Variants in RSRC1 observed in about 807,000 individuals in gnomAD.
The protein encoded by RSRC1 is serine/Arginine-related protein 53.
In RSRC1, 39 loss-of-function variants were observed where a neutral mutation model predicts 49.1. That is an observed-to-expected ratio of 0.79 (90% CI 0.61 to 1.04). RSRC1 has a LOEUF of 1.04. RSRC1 is among the 50% of genes least tolerant of loss of function. RSRC1 has a pLI of 0.00. For synonymous variants in RSRC1, 143 were observed against 130.8 expected (o/e 1.09, Z -0.63); for missense variants, 388 against 402.4 (o/e 0.96, Z 0.31).
intron 3 of RSRC1, among the ~76,000 whole-genome samples, chr3:158,178,991 A>G (rs1253397945): frequency 7.2e-5 from 11 of 151,972 alleles, no homozygotes; most frequent in Non-Finnish European, 1.3e-4. Flanking sequence ...TTAATTTTAT[A>G]TTTTGCTAAG....
At chr3:158,247,103 T>A (rs1095634) in intron 4 of RSRC1, among the ~76,000 whole-genome samples, 93,135 of 151,748 alleles carry the variant, frequency 0.61, 28,951 homozygotes, top group East Asian at 0.73. Flanking sequence ...CTATTCTTGT[T>A]TGCCTGTCCT....
At chr3:158,337,687 C>G (rs1367048742) in intron 5 of RSRC1, among the ~76,000 whole-genome samples, 4 of 152,138 alleles carry the variant, frequency 2.6e-5, no homozygotes, top group African/African-American at 9.7e-5. Context: ...CAAGATACCT[C>G]CATTATGTTA....
chr3:158,280,644 T>G, intron 4 of RSRC1, among the ~76,000 whole-genome samples: 1 of 87,576 alleles, frequency 1.1e-5, no homozygotes, highest in Admixed American at 1.3e-4. Flanking sequence ...TTCCTTTTTT[T>G]TTTTTTTTTT....
At chr3:158,366,875 T>C (rs974554548) in intron 6 of RSRC1, among the ~76,000 whole-genome samples, 3 of 152,188 alleles carry the variant, frequency 2.0e-5, no homozygotes, top group African/African-American at 7.2e-5. Flanking sequence ...CCCTTGTAAG[T>C]TGGATTCCTA....
At chr3:158,184,512 CT>C (rs1719815600) in intron 3 of RSRC1, among the ~76,000 whole-genome samples, 1 of 152,098 alleles carries the variant, frequency 6.6e-6, no homozygotes, top group African/African-American at 2.4e-5. Context: ...TTTTCAAATT[CT>C]TTCATTACCA....
At chr3:158,132,963 A>G (rs570963232) in intron 3 of RSRC1, among the ~76,000 whole-genome samples, 1 of 152,334 alleles carries the variant, frequency 6.6e-6, no homozygotes, top group East Asian at 1.9e-4. Context: ...TAGTTTTGAG[A>G]TGAGTGTAGA....
At position 158,218,525 on chromosome 3, in the gene RSRC1, G is replaced by T. The variant is rs151020840; in HGVS notation, c.494+15280G>T. 5.7e-4 allele frequency among the ~76,000 whole-genome samples: 87 copies of T among 151,772 alleles called. No individual in the cohort carries two copies. The East Asian group carries it at 0.013, about 22-fold the overall frequency. On this transcript the variant is annotated intron_variant, in intron 4 of 9. Coordinates refer to ENST00000611884, the MANE Select transcript of RSRC1 (RefSeq NM_001271838.2). The stretch of plus-strand genomic sequence containing the variant: ...CTGAGCAAGGATTACATTGGAAGAT[G>T]GCAGGGTATCATACATTTGCTTTGG...
At chr3:158,213,017 A>G (rs2108290358) in intron 4 of RSRC1, among the ~76,000 whole-genome samples, 1 of 152,096 alleles carries the variant, frequency 6.6e-6, no homozygotes, top group East Asian at 1.9e-4. Flanking sequence ...GGAATAAACC[A>G]TAATGCTTGA....
At chr3:158,383,854 AATC>A (rs1732833917) in intron 6 of RSRC1, among the ~76,000 whole-genome samples, 1 of 152,196 alleles carries the variant, frequency 6.6e-6, no homozygotes, top group Non-Finnish European at 1.5e-5. Context: ...CTGAGAGTCA[AATC>A]ATGACAATTC....
In RSRC1 at chr3:158,441,379, T is replaced by A. The variant is rs953498363; in HGVS notation, c.584-19556T>A. ...GGCAAAATACAAACAAAGACTTTTT[T>A]AAATATATTGGCAACAAGATATTAA... On this transcript the variant is annotated intron_variant, in intron 6 of 9. Transcript: ENST00000611884. 4.0e-4 allele frequency among the ~76,000 whole-genome samples: 61 copies of A among 152,176 alleles called. 1 individual carries two copies. Among genetic ancestry groups the A allele is most frequent in the African/African-American group, 1.2e-3 (50 of 41,562 alleles).
At chr3:158,249,145 G>A (rs530090584) in intron 4 of RSRC1, among the ~76,000 whole-genome samples, 1 of 152,070 alleles carries the variant, frequency 6.6e-6, no homozygotes, top group Admixed American at 6.5e-5. Flanking sequence ...ATTTTATTGA[G>A]GTATAATTAA....
At chr3:158,333,333 A>G (rs1251710140) in intron 5 of RSRC1, among the ~76,000 whole-genome samples, 1 of 152,096 alleles carries the variant, frequency 6.6e-6, no homozygotes, top group Non-Finnish European at 1.5e-5. Context: ...ACATCCAATT[A>G]ATCTTTTGTG....
chr3:158,142,987 G>A (rs1716847760), intron 3 of RSRC1, among the ~76,000 whole-genome samples: 1 of 152,174 alleles, frequency 6.6e-6, no homozygotes, highest in Non-Finnish European at 1.5e-5. Context: ...TCAGTAGATT[G>A]AATGAATGAT....
chr3:158,380,207 T>A (rs1361765946), intron 6 of RSRC1, among the ~76,000 whole-genome samples: 1 of 152,228 alleles, frequency 6.6e-6, no homozygotes, highest in Non-Finnish European at 1.5e-5. Flanking sequence ...TTTCACTTTT[T>A]GCATCAAATA....
At chr3:158,508,982 C>T (rs1010859789) in intron 7 of RSRC1, among the ~76,000 whole-genome samples, 11 of 152,130 alleles carry the variant, frequency 7.2e-5, no homozygotes, top group African/African-American at 2.7e-4. Context: ...TTCTTTGAGA[C>T]ACGAATGTTT....
In RSRC1 at chr3:158,368,114, A is replaced by G. The variant is rs573536590; in HGVS notation, c.583+13206A>G. Among the ~76,000 whole-genome samples, 15 of 152,356 alleles carry G rather than the reference A, an allele frequency of 9.8e-5. No homozygotes were observed. The South Asian group carries it at 2.9e-3, about 29-fold the overall frequency. On this transcript the variant is annotated intron_variant, in intron 6 of 9. Coordinates refer to ENST00000611884, the MANE Select transcript of RSRC1 (RefSeq NM_001271838.2). ...CCTTGTTTGAGCAGATGTTAAGCAG[A>G]CAGTAGTTGAATGTTAATTTTGAGA...
chr3:158,535,421 G>T (rs1560078818), intron 7 of RSRC1, among the ~76,000 whole-genome samples: 1 of 151,270 alleles, frequency 6.6e-6, no homozygotes, highest in Non-Finnish European at 1.5e-5. Flanking sequence ...TAATTTGATT[G>T]GTAGTATCAG....
chr3:158,130,989 C>T (rs1228438802), intron 3 of RSRC1, among the ~76,000 whole-genome samples: 3 of 152,042 alleles, frequency 2.0e-5, no homozygotes, highest in Admixed American at 1.3e-4. Context: ...GTAGTTTTCT[C>T]GGCTCATTGC....
At chr3:158,134,679 G>T (rs1246540708) in intron 3 of RSRC1, among the ~76,000 whole-genome samples, 1 of 152,110 alleles carries the variant, frequency 6.6e-6, no homozygotes, top group Non-Finnish European at 1.5e-5. Flanking sequence ...TGATTAGTCT[G>T]ACTTTTGTCC....
Sources: gnomAD v4.1 joint callset for allele counts (sites outside exome capture counted in the v4.1 genomes callset) on GRCh38, gnomAD v4.1.1 for gene constraint, MANE v1.5 for transcripts, NCBI Gene and HGNC (gene_info 2026-07-23, HGNC 2026-07-21) for gene names.